The following PI4KA variants were observed in gnomAD, a reference collection of about 807,000 sequenced individuals.
PI4KA encodes the protein phosphatidylinositol 4-kinase alpha.
In PI4KA, 122 loss-of-function variants were observed where a neutral mutation model predicts 271.4. The ratio of observed to expected loss-of-function variants is 0.45; its 90% CI spans 0.39 to 0.52. The LOEUF is 0.52. Among genes scored for constraint, PI4KA ranks in the 20% least tolerant of loss-of-function variants. PI4KA has a pLI of 0.00. For missense variants in PI4KA, 1,969 were observed against 2,769.1 expected, an observed-to-expected ratio of 0.71 and a Z score of 6.48; for synonymous variants, 1,041 against 1,078.8, an observed-to-expected ratio of 0.96 and a Z score of 0.69.
intron 22 of PI4KA, 148 bp from the exon 23 acceptor site, chr22:20,761,534 G>C (rs1188865300): frequency 4.6e-6 from 3 of 648,652 alleles, no homozygotes; most frequent in Non-Finnish European, 5.7e-6. Flanking sequence ...TTTTTGGAGG[G>C]TGAGGTGCAC....
At chr22:20,822,359 A>T (rs951870884) in intron 4 of PI4KA, among the ~76,000 whole-genome samples, 1 of 148,128 alleles carries the variant, frequency 6.8e-6, no homozygotes, top group Non-Finnish European at 1.5e-5. Context: ...AAGCTTATAG[A>T]TGAGGAAGAT....
chr22:20,851,426 C>T (rs1164216613), intron 1 of PI4KA, among the ~76,000 whole-genome samples: 1 of 152,132 alleles, frequency 6.6e-6, no homozygotes, highest in Non-Finnish European at 1.5e-5. Context: ...ACCACACCAC[C>T]TCCCGGGTTC....
chr22:20,787,938 C>A (rs1460108626), intron 19 of PI4KA, among the ~76,000 whole-genome samples: 1 of 152,124 alleles, frequency 6.6e-6, no homozygotes, highest in Non-Finnish European at 1.5e-5. Flanking sequence ...GGCACACAAG[C>A]CCCAGGGCTC....
At chr22:20,848,451 C>G (rs1450364902) in intron 1 of PI4KA, among the ~76,000 whole-genome samples, 1 of 152,050 alleles carries the variant, frequency 6.6e-6, no homozygotes, top group African/African-American at 2.4e-5. Flanking sequence ...TTCCCAATTT[C>G]AAAACTTACT....
chr22:20,708,131 G>A (rs757842889), intron 54 of PI4KA, 33 bp from the exon 55 acceptor site: 49 of 1,591,054 alleles, frequency 3.1e-5, no homozygotes, highest in Admixed American at 1.8e-4. Context: ...AGGGAGATTC[G>A]AGGAGCCAGC....
At position 20,819,657 on chromosome 22, in the gene PI4KA, A is replaced by G. The variant is rs1232020886; in HGVS notation, c.773T>C (p.Val258Ala). The change falls in exon 6 of 55, where the codon GTG (valine) becomes GCG (alanine). Residue 258 changes from valine (V) to alanine (A), a missense_variant. This residue lies in a region of PI4KA where 540 missense variants were observed against 555.5 expected (regional missense o/e 0.97). Coordinates refer to ENST00000255882, the MANE Select transcript of PI4KA (RefSeq NM_058004.4). Reference protein sequence around the residue: ...EGTLKRKTSSVSSISQVSPER... With the variant: ...EGTLKRKTSSASSISQVSPER... ...CAGGCCCACCTGAGAGATGCTGGAC[A>G]CACTGCTGGTTTTCCTCTTCAGGGT... 1 of 1,613,912 alleles carries G rather than the reference A, an allele frequency of 6.2e-7. No individual in the cohort carries two copies. Among genetic ancestry groups the G allele is most frequent in the Non-Finnish European group, 8.5e-7 (1 of 1,179,994 alleles).
chr22:20,857,808 A>T (rs888698619), intron 1 of PI4KA, among the ~76,000 whole-genome samples: 8 of 152,200 alleles, frequency 5.3e-5, no homozygotes, highest in Non-Finnish European at 1.0e-4. Flanking sequence ...GTCCCACTCT[A>T]AAATCTGTCT....
intron 12 of PI4KA, 86 bp from the exon 13 acceptor site, chr22:20,803,406 G>C: frequency 6.5e-7 from 1 of 1,549,070 alleles, no homozygotes; most frequent in Non-Finnish European, 8.9e-7. Flanking sequence ...CAACCCTTCA[G>C]TACCCAAGTC....
chr22:20,752,902 C>G lies in PI4KA; in HGVS notation c.2987+1G>C. 6.2e-7 allele frequency: 1 copy of G among 1,613,968 alleles called. No homozygotes were observed. The highest frequency in any genetic ancestry group is 8.5e-7 in the Non-Finnish European group (1 of 1,179,808). On this transcript the variant is annotated splice_donor_variant, in intron 25 of 54. Transcript: ENST00000255882. LOFTEE classifies it high-confidence loss of function. The stretch of plus-strand genomic sequence containing the variant: ...AAACATTAGCAGGAAAATGAGCTTA[C>G]TTATCCACCAGACCAGATAGATACT...
At chr22:20,765,753 G>T in intron 19 of PI4KA, 60 bp from the exon 20 acceptor site, 1 of 1,113,782 alleles carries the variant, frequency 9.0e-7, no homozygotes, top group Non-Finnish European at 1.4e-6. Context: ...CCTAAGCCCT[G>T]TAGGTGTAAA....
intron 23 of PI4KA, among the ~76,000 whole-genome samples, chr22:20,753,494 CTG>C (rs1930941282): frequency 6.6e-6 from 1 of 152,216 alleles, no homozygotes; most frequent in Admixed American, 6.5e-5. Flanking sequence ...GGCATTTAAT[CTG>C]TGTCTCCTAC....
rs778803248 is a variant in PI4KA at position 20,742,733 on chromosome 22, G to A, written c.3488C>T (p.Thr1163Ile). ...VYGMIRFSGT[T>I]GQMSDLNKMM... ...TTTGTTCAGGTCAGACATCTGGCCT[G>A]TGGTGCCTGAGAACCGAATCATTCC... Residue 1163 changes from threonine (T) to isoleucine (I), a missense_variant, in exon 31 of 55, where the codon ACA becomes ATA. Physicochemically the swap from Thr to Ile is moderately conservative, Grantham distance 89 (BLOSUM62 -1). Coordinates refer to ENST00000255882, the MANE Select transcript of PI4KA (RefSeq NM_058004.4). The A allele has an allele frequency of 6.2e-7, 1 of 1,614,132 alleles. No individual in the cohort carries two copies. Among genetic ancestry groups the A allele is most frequent in the Non-Finnish European group, 8.5e-7 (1 of 1,179,984 alleles).
At chr22:20,798,241 T>C (rs1935095441) in intron 17 of PI4KA, among the ~76,000 whole-genome samples, 1 of 152,180 alleles carries the variant, frequency 6.6e-6, no homozygotes, top group Non-Finnish European at 1.5e-5. Flanking sequence ...TTGGTTCTAC[T>C]ATAGGATAGG....
chr22:20,709,863 G>A (rs746481137), intron 53 of PI4KA, 45 bp downstream of exon 53: 3 of 1,054,992 alleles, frequency 2.8e-6, no homozygotes, highest in Non-Finnish European at 4.5e-6. Context: ...TCAGCTAATG[G>A]ACAACTGTCC....
Position 20,802,107 on chromosome 22 carries a change from T to G in PI4KA, c.1592-2A>C. 6.2e-7 allele frequency: 1 copy of G among 1,613,544 alleles called. No homozygotes were observed. Among genetic ancestry groups the G allele is most frequent in the Non-Finnish European group, 8.5e-7 (1 of 1,179,736 alleles). ...TGATTTTTATATCATTGCCAGCAAC[T>G]GAAAGTAAAAAATTCAAATATATAC... On this transcript the variant is annotated splice_acceptor_variant, in intron 13 of 54. Transcript: ENST00000255882. LOFTEE classifies it high-confidence loss of function.
intron 3 of PI4KA, among the ~76,000 whole-genome samples, chr22:20,832,478 G>A (rs1044696138): frequency 3.3e-5 from 5 of 151,566 alleles, no homozygotes; most frequent in Admixed American, 2.6e-4. Flanking sequence ...TTTTGAGACG[G>A]AGTCTCACTC....
At chr22:20,824,690 A>C (rs776849790) in intron 3 of PI4KA, among the ~76,000 whole-genome samples, 1 of 151,626 alleles carries the variant, frequency 6.6e-6, no homozygotes, top group Non-Finnish European at 1.5e-5. Context: ...GCCTCTCAAC[A>C]TGACAGATTC....
intron 44 of PI4KA, 67 bp downstream of exon 44, chr22:20,718,626 C>G (rs1287006046): frequency 1.9e-6 from 3 of 1,556,992 alleles, no homozygotes; most frequent in Non-Finnish European, 2.7e-6. Flanking sequence ...GCTTCCCAGG[C>G]AATTCTGTTA....
intron 1 of PI4KA, among the ~76,000 whole-genome samples, chr22:20,856,805 C>T (rs888919490): frequency 2.0e-5 from 3 of 152,186 alleles, no homozygotes; most frequent in Non-Finnish European, 2.9e-5. Flanking sequence ...AGAATGTTCT[C>T]GTGACTAGTG....
Sources: gnomAD v4.1 joint callset for allele counts (sites outside exome capture counted in the v4.1 genomes callset) on GRCh38, gnomAD v4.1.1 for gene constraint, gnomAD v4.1.1 regional missense constraint, MANE v1.5 for transcripts, NCBI Gene and HGNC (gene_info 2026-07-23, HGNC 2026-07-21) for gene names.